RARB: variants seen among roughly 807,000 people sequenced by gnomAD.
RARB encodes the protein retinoic acid receptor beta, also known as HBV-activated protein.
RARB carries 17 observed loss-of-function variants against 51.9 expected under a neutral mutation model. The observed-to-expected ratio is 0.33, with a 90% confidence interval of 0.22 to 0.49. RARB has a LOEUF of 0.49. Ranked by LOEUF, RARB falls within the 20% of genes least tolerant of loss-of-function variation. The pLI is 0.99. For synonymous variants in RARB, 215 were observed against 195.4 expected (o/e 1.10, Z -0.84); for missense variants, 369 against 550.8 (o/e 0.67, Z 3.30).
chr3:24,954,056 G>A (rs1047679273), intron 2 of RARB, among the ~76,000 whole-genome samples: 2 of 151,814 alleles, frequency 1.3e-5, no homozygotes, highest in Admixed American at 6.6e-5. Flanking sequence ...TTATTTTCCT[G>A]CTTCTCCCTA....
chr3:25,538,631 G>C (rs1170887726), intron 3 of RARB, among the ~76,000 whole-genome samples: 1 of 152,170 alleles, frequency 6.6e-6, no homozygotes, highest in Non-Finnish European at 1.5e-5. Flanking sequence ...CATTCAAGCA[G>C]CATTTCATTT....
intron 3 of RARB, among the ~76,000 whole-genome samples, chr3:25,501,557 G>A (rs1697317116): frequency 6.6e-6 from 1 of 152,180 alleles, no homozygotes; most frequent in African/African-American, 2.4e-5. Flanking sequence ...GTATTCCAAA[G>A]CAGTGGCTAA....
chr3:24,919,024 A>T (rs556442156), intron 2 of RARB, among the ~76,000 whole-genome samples: 1 of 152,318 alleles, frequency 6.6e-6, no homozygotes, highest in East Asian at 1.9e-4. Flanking sequence ...TCTGGAAATT[A>T]CTTAGCCTCT....
chr3:25,194,266 G>A (rs949971266), intron 5 of RARB, among the ~76,000 whole-genome samples: 9 of 151,526 alleles, frequency 5.9e-5, no homozygotes, highest in African/African-American at 2.2e-4. Flanking sequence ...GGTCAGAGAA[G>A]GCAGACTTGT....
chr3:25,576,402 G>A (rs1291019335), intron 4 of RARB, among the ~76,000 whole-genome samples: 5 of 152,152 alleles, frequency 3.3e-5, no homozygotes, highest in Non-Finnish European at 7.4e-5. Flanking sequence ...CAGCAGCTGG[G>A]ACCACTCCAG....
At chr3:25,351,843 AAG>A (rs906355700) in intron 5 of RARB, among the ~76,000 whole-genome samples, 19 of 152,226 alleles carry the variant, frequency 1.2e-4, no homozygotes, top group African/African-American at 4.6e-4. Flanking sequence ...CCATCTGGCT[AAG>A]AGTGTTCCCC....
At chr3:25,421,009 A>C (rs1339207825) in intron 5 of RARB, among the ~76,000 whole-genome samples, 3 of 151,520 alleles carry the variant, frequency 2.0e-5, no homozygotes, top group East Asian at 1.9e-4. Flanking sequence ...AAAAAAAAAA[A>C]CAGAGTCATA....
intron 1 of RARB, among the ~76,000 whole-genome samples, chr3:25,446,752 G>A (rs1179743394): frequency 2.3e-5 from 3 of 128,304 alleles, no homozygotes; most frequent in East Asian, 2.3e-4. Context: ...GCAGTGAGCC[G>A]AGATTGCACC....
chr3:25,160,120 A>T (rs1045034443), intron 4 of RARB, among the ~76,000 whole-genome samples: 1 of 152,228 alleles, frequency 6.6e-6, no homozygotes, highest in Non-Finnish European at 1.5e-5. Context: ...TAACTGTTTA[A>T]CTGTCTCCAT....
At chr3:25,590,964 C>G (rs1158465157) in intron 5 of RARB, among the ~76,000 whole-genome samples, 1 of 152,160 alleles carries the variant, frequency 6.6e-6, no homozygotes, top group Admixed American at 6.5e-5. Context: ...AAATGTGAGG[C>G]TTTATGCCCA....
chr3:25,204,943 C>T (rs575654237), intron 5 of RARB, among the ~76,000 whole-genome samples: 1 of 152,222 alleles, frequency 6.6e-6, no homozygotes, highest in Non-Finnish European at 1.5e-5. Flanking sequence ...CCACTACTCT[C>T]TTCAAAGCTG....
At chr3:25,110,036 A>T (rs1699574582) in intron 3 of RARB, among the ~76,000 whole-genome samples, 1 of 152,106 alleles carries the variant, frequency 6.6e-6, no homozygotes, top group Non-Finnish European at 1.5e-5. Flanking sequence ...TTTCCCCAAG[A>T]TCTGGTTTAC....
At position 24,892,191 on chromosome 3, in the gene RARB, A is replaced by G. The variant is rs889151794; in HGVS notation, c.-380+33439A>G. 2.0e-5 allele frequency among the ~76,000 whole-genome samples: 3 copies of G among 149,438 alleles called. No individual in the cohort carries two copies. The South Asian group carries it at 6.5e-4, about 32-fold the overall frequency. ...ATCCACCCAGGGAAGTAGAAAGGCCATTTTCTAATTCACTTGAATGCCCTC... is the reference window on the plus strand; with the variant it reads ...ATCCACCCAGGGAAGTAGAAAGGCCGTTTTCTAATTCACTTGAATGCCCTC... On this transcript the variant is annotated intron_variant, in intron 2 of 11. Transcript: ENST00000383772.
At chr3:25,391,299 T>C (rs62237587) in intron 5 of RARB, among the ~76,000 whole-genome samples, 21,893 of 152,182 alleles carry the variant, frequency 0.14, 2,113 homozygotes, top group Admixed American at 0.29. Flanking sequence ...CATTGTCTTA[T>C]GGGCATTTGG....
intron 5 of RARB, among the ~76,000 whole-genome samples, chr3:25,374,679 A>G (rs530651977): frequency 2.6e-5 from 4 of 152,234 alleles, no homozygotes; most frequent in East Asian, 1.9e-4. Flanking sequence ...CTCCTGGGAC[A>G]AGAAGAAGAA....
At chr3:24,900,642 G>A (rs1703584134) in intron 2 of RARB, among the ~76,000 whole-genome samples, 1 of 152,170 alleles carries the variant, frequency 6.6e-6, no homozygotes, top group African/African-American at 2.4e-5. Flanking sequence ...TACAAAAAAT[G>A]TTGTTTGAAA....
At chr3:25,437,268 T>A (rs1285711538) in intron 1 of RARB, among the ~76,000 whole-genome samples, 1 of 152,156 alleles carries the variant, frequency 6.6e-6, no homozygotes, top group East Asian at 1.9e-4. Context: ...ATTTACCAGA[T>A]CCCCAGATTT....
chr3:25,451,873 C>T (rs77359894), intron 1 of RARB, among the ~76,000 whole-genome samples: 6,510 of 152,180 alleles, frequency 0.043, 175 homozygotes, highest in East Asian at 0.1. Flanking sequence ...GCAGGAAATT[C>T]GATCAGATAA....
chr3:25,245,322 T>C (rs977915095), intron 5 of RARB, among the ~76,000 whole-genome samples: 1 of 152,136 alleles, frequency 6.6e-6, no homozygotes, highest in Non-Finnish European at 1.5e-5. Context: ...TTATATTGTT[T>C]TGTGTGAGAC....
Sources: allele counts gnomAD v4.1 joint callset (sites outside exome capture counted in the v4.1 genomes callset), GRCh38; gene constraint gnomAD v4.1.1; transcripts MANE v1.5; gene names NCBI Gene and HGNC (gene_info 2026-07-23, HGNC 2026-07-21).